Variants in LRRC7 observed in about 807,000 individuals in gnomAD.
The protein encoded by LRRC7 is leucine-rich repeat-containing protein 7.
A neutral mutation model predicts 175.7 loss-of-function variants in LRRC7; 23 were observed. The observed-to-expected ratio is 0.13, with a 90% CI of 0.09 to 0.19. The LOEUF (loss-of-function observed/expected upper bound fraction) is 0.19. Among genes scored for constraint, LRRC7 ranks in the 10% least tolerant of loss-of-function variants. The pLI is 1.00. For synonymous variants in LRRC7, 685 were observed against 680.9 expected, an observed-to-expected ratio of 1.01 and a Z score of -0.09; for missense variants, 1,354 against 1,904.7, an observed-to-expected ratio of 0.71 and a Z score of 5.38.
chr1:69,637,580 G>T (rs1009033863), intron 1 of LRRC7, among the ~76,000 whole-genome samples: 1 of 151,844 alleles, frequency 6.6e-6, no homozygotes, highest in Non-Finnish European at 1.5e-5. Flanking sequence ...GATTTTTGGG[G>T]AATTAAATGA....
chr1:69,764,730 C>CAGACAGACAGACAGACAGATAGATAGAT (rs1377304958), intron 3 of LRRC7, among the ~76,000 whole-genome samples: 8 of 140,414 alleles, frequency 5.7e-5, no homozygotes, highest in African/African-American at 2.1e-4. Flanking sequence ...GATAGATAGA[C>CAGACAGACAGACAGACAGATAGATAGAT]AGATAGATAG....
At chr1:69,683,767 AATG>A (rs1281295050) in intron 2 of LRRC7, among the ~76,000 whole-genome samples, 1 of 152,144 alleles carries the variant, frequency 6.6e-6, no homozygotes, top group East Asian at 1.9e-4. Flanking sequence ...GAAAAAGAAA[AATG>A]AACATTATTG....
chr1:69,893,899 G>A (rs574772174), intron 7 of LRRC7, among the ~76,000 whole-genome samples: 14 of 152,256 alleles, frequency 9.2e-5, no homozygotes, highest in African/African-American at 2.2e-4. Flanking sequence ...GTGCAAAAGC[G>A]GGGAGATGAA....
Position 70,125,900 on chromosome 1 carries a change from G to T in LRRC7, c.*4013G>T, listed in dbSNP as rs182235464. On this transcript the variant is annotated 3_prime_UTR_variant, in exon 27 of 27. Transcript: ENST00000651989. The stretch of plus-strand genomic sequence containing the variant: ...AAAAGTATCTGAATTTGTCAAAATG[G>T]TTAGATGAAAGAAACCAAAAAAACC... Among the ~76,000 whole-genome samples, 14 of 151,202 alleles carry T rather than the reference G, an allele frequency of 9.3e-5. No individual in the cohort carries two copies. Among genetic ancestry groups the T allele is most frequent in the Admixed American group, 2.0e-4 (3 of 15,218 alleles).
intron 1 of LRRC7, among the ~76,000 whole-genome samples, chr1:69,677,307 T>C (rs1659909295): frequency 6.7e-6 from 1 of 150,196 alleles, no homozygotes; most frequent in Non-Finnish European, 1.5e-5. Flanking sequence ...ACATTTTCTT[T>C]ATCCACTTAT....
chr1:69,766,250 G>A (rs943130680), intron 3 of LRRC7, among the ~76,000 whole-genome samples: 1 of 152,088 alleles, frequency 6.6e-6, no homozygotes, highest in African/African-American at 2.4e-5. Flanking sequence ...TGGATGAGAG[G>A]AATGCAACAT....
intron 5 of LRRC7, among the ~76,000 whole-genome samples, chr1:69,833,383 T>A (rs746811589): frequency 2.0e-5 from 3 of 152,044 alleles, no homozygotes; most frequent in Non-Finnish European, 4.4e-5. Context: ...GTAAACATGA[T>A]TCAGGAATTT....
At chr1:69,804,341 A>G (rs1176662030) in intron 4 of LRRC7, among the ~76,000 whole-genome samples, 1 of 151,428 alleles carries the variant, frequency 6.6e-6, no homozygotes. Flanking sequence ...AAACTTCTCT[A>G]AGACAAATAC....
chr1:69,569,554 C>G (rs956326215), intron 1 of LRRC7, among the ~76,000 whole-genome samples: 1 of 145,388 alleles, frequency 6.9e-6, no homozygotes, highest in Admixed American at 7.1e-5. Context: ...TACCAGTGGT[C>G]TCTAATCTTA....
intron 5 of LRRC7, among the ~76,000 whole-genome samples, chr1:69,829,484 TCTGA>T (rs1285383198): frequency 6.6e-6 from 1 of 151,834 alleles, no homozygotes; most frequent in African/African-American, 2.4e-5. Flanking sequence ...CTAATTCTCT[TCTGA>T]CTATTTTGAA....
intron 23 of LRRC7, among the ~76,000 whole-genome samples, chr1:70,057,939 C>CT (rs111537532): frequency 3.6e-4 from 52 of 143,246 alleles, no homozygotes; most frequent in South Asian, 6.6e-4. Flanking sequence ...TAAATGCTGT[C>CT]TTTTTTTTTT....
chr1:69,783,588 T>TA (rs572342113), intron 3 of LRRC7, among the ~76,000 whole-genome samples: 92 of 151,756 alleles, frequency 6.1e-4, no homozygotes, highest in African/African-American at 2.1e-3. Context: ...CTGTCTCTAC[T>TA]AAAAATACAA....
intron 7 of LRRC7, among the ~76,000 whole-genome samples, chr1:69,904,290 CAATA>C (rs1386976689): frequency 1.3e-5 from 2 of 151,630 alleles, no homozygotes; most frequent in Non-Finnish European, 2.9e-5. Flanking sequence ...TTGGAAGATA[CAATA>C]AATATTAAAA....
intron 7 of LRRC7, chr1:69,919,422 G>C: frequency 1.2e-6 from 1 of 866,186 alleles, no homozygotes; most frequent in East Asian, 2.7e-5. Flanking sequence ...CAGGCCGAGG[G>C]TACTACTTCA....
At chr1:69,773,206 AT>A (rs1315696903) in intron 3 of LRRC7, among the ~76,000 whole-genome samples, 1 of 152,220 alleles carries the variant, frequency 6.6e-6, no homozygotes, top group Non-Finnish European at 1.5e-5. Flanking sequence ...GATGCAGGAA[AT>A]TGATGGAATA....
At position 69,964,164 on chromosome 1, in the gene LRRC7, T is replaced by C. The variant is rs533693283; in HGVS notation, c.712-16215T>C. 1.1e-4 allele frequency among the ~76,000 whole-genome samples: 17 copies of C among 152,292 alleles called. No homozygotes were observed. The South Asian group carries it at 3.5e-3, about 32-fold the overall frequency. On this transcript the variant is annotated intron_variant, in intron 8 of 26. Transcript: ENST00000651989. ...GCTGTATGACTTTGGGCACATTCGT[T>C]TGGTTTTTTATGCCTAAATCTCTGT...
At position 69,764,259 on chromosome 1, in the gene LRRC7, A is replaced by G. The variant is rs1671356614; in HGVS notation, c.303+3866A>G. On this transcript the variant is annotated intron_variant, in intron 3 of 26. Transcript: ENST00000651989. ...AACTTAAAATTATAGACAGAGTAAT[A>G]GACCATAACAGGTGCATATTATATA... 3.3e-5 allele frequency among the ~76,000 whole-genome samples: 5 copies of G among 151,962 alleles called. No individual in the cohort carries two copies. In the South Asian group the frequency reaches 1.0e-3, roughly 31 times the overall value.
At chr1:69,772,524 G>A (rs80011311) in intron 3 of LRRC7, among the ~76,000 whole-genome samples, 1,783 of 152,282 alleles carry the variant, frequency 0.012, 20 homozygotes, top group Non-Finnish European at 0.017. Flanking sequence ...AGAATTCTAA[G>A]AGAAACAATG....
intron 2 of LRRC7, among the ~76,000 whole-genome samples, chr1:69,682,855 C>T (rs935471121): frequency 6.6e-6 from 1 of 152,144 alleles, no homozygotes; most frequent in Non-Finnish European, 1.5e-5. Flanking sequence ...GCATGCTCAA[C>T]TTTCTCTTTT....
Sources: allele counts gnomAD v4.1 joint callset (sites outside exome capture counted in the v4.1 genomes callset), GRCh38; gene constraint gnomAD v4.1.1; transcripts MANE v1.5; gene names NCBI Gene and HGNC (gene_info 2026-07-23, HGNC 2026-07-21).